TERT: variants seen among roughly 807,000 people sequenced by gnomAD.
TERT encodes the protein telomerase reverse transcriptase.
In TERT, 42 loss-of-function variants were observed where a neutral mutation model predicts 104.0. That is an observed-to-expected ratio of 0.40 (90% CI 0.32 to 0.52). The LOEUF (loss-of-function observed/expected upper bound fraction) is 0.52, where lower values mean the gene tolerates loss of function less well. Ranked by LOEUF, TERT falls within the 20% of genes least tolerant of loss-of-function variation. TERT has a pLI of 0.43. For missense variants in TERT, 1,101 were observed against 1,610.3 expected (o/e 0.68, Z 5.41); for synonymous variants, 781 against 725.6 (o/e 1.08, Z -1.23).
rs756152343 is a variant in TERT, at chr5:1,279,334, C to T, written c.2087G>A (p.Arg696His). The T allele has an allele frequency of 8.2e-6, 13 of 1,585,724 alleles. No individual in the cohort carries two copies. The highest frequency in any genetic ancestry group is 2.2e-4 in the Middle Eastern group (1 of 4,504). ...AGGCGGCGGGTCCTGGGCCCGCACA[C>T]GCAGCACGAAGGTGCGCCAGGCCCT... ...IHRAWRTFVL[R>H]VRAQDPPPEL... The change falls in exon 5 of 16, where the codon CGT (arginine) becomes CAT (histidine). Residue 696 changes from arginine to histidine, a missense_variant. Arg to His is a conservative substitution (Grantham distance 29). This residue lies in a region of TERT where 463 missense variants were observed against 797.5 expected (regional missense o/e 0.58). Coordinates refer to ENST00000310581, the MANE Select transcript of TERT (RefSeq NM_198253.3).
rs1236007818 is a variant in TERT, at chr5:1,257,189, C to T, written c.3032+1409G>A. Among the ~76,000 whole-genome samples the T allele has an allele frequency of 3.3e-5, 5 of 152,180 alleles. No individual in the cohort carries two copies. The highest frequency in any genetic ancestry group is 1.2e-4 in the African/African-American group (5 of 41,426). On this transcript the variant is annotated intron_variant, in intron 13 of 15. Transcript: ENST00000310581. The surrounding 1 kb of genome is among the most constrained non-coding windows in gnomAD (Gnocchi z 5.6). The stretch of plus-strand genomic sequence containing the variant: ...AAACTCAGCCGCCCTGCCCTGAGCC[C>T]AGGCCCTCTACGGGAGCTCCTCGGA...
At chr5:1,284,272 C>G (rs1214289830) in intron 2 of TERT, among the ~76,000 whole-genome samples, 1 of 93,320 alleles carries the variant, frequency 1.1e-5, no homozygotes, top group African/African-American at 4.6e-5. Flanking sequence ...CGACCACACC[C>G]CAGACCTGCA....
At chr5:1,278,535 G>A in intron 6 of TERT, 106 bp downstream of exon 6, 1 of 1,495,148 alleles carries the variant, frequency 6.7e-7, no homozygotes, top group Non-Finnish European at 9.3e-7. Context: ...GTAAATCATG[G>A]AAGTACCTCC....
rs1056537704 is a variant in TERT at position 1,269,310 on chromosome 5, C to T, written c.2469-677G>A. 6.6e-6 allele frequency among the ~76,000 whole-genome samples: 1 copy of T among 152,136 alleles called. No individual in the cohort carries two copies. Among genetic ancestry groups the T allele is most frequent in the African/African-American group, 2.4e-5 (1 of 41,424 alleles). On this transcript the variant is annotated intron_variant, in intron 8 of 15. Coordinates refer to ENST00000310581, the MANE Select transcript of TERT (RefSeq NM_198253.3). The surrounding 1 kb of genome is among the most constrained non-coding windows in gnomAD (Gnocchi z 9.0). ...TTCGGGAAGCGCTATAGGTGGTCAC[C>T]TTAAAAAGAGGCTTTCCGGCTGGGC...
rs528041127 is a variant in TERT, at chr5:1,261,363, G to A, written c.2844-763C>T. On this transcript the variant is annotated intron_variant, in intron 11 of 15. Coordinates refer to ENST00000310581, the MANE Select transcript of TERT (RefSeq NM_198253.3). The surrounding 1 kb of genome is among the most constrained non-coding windows in gnomAD (Gnocchi z 7.4). ...AATATCTCCTTAGCCCTGTATTTGG[G>A]CAGGTTCGTGACTTGCTGTGGCAAG... Among the ~76,000 whole-genome samples, 51 of 152,300 alleles carry A rather than the reference G, an allele frequency of 3.3e-4. No homozygotes were observed. Among genetic ancestry groups the A allele is most frequent in the African/African-American group, 1.1e-3 (46 of 41,562 alleles).
chr5:1,292,528 T>TAA lies in TERT; in HGVS notation c.1573+783_1573+784dup, dbSNP rs33951612. 6.0e-5 allele frequency among the ~76,000 whole-genome samples: 9 copies of TAA among 150,898 alleles called. No individual in the cohort carries two copies. The East Asian group carries it at 9.8e-4, about 16-fold the overall frequency. On this transcript the variant is annotated intron_variant, in intron 2 of 15. Coordinates refer to ENST00000310581, the MANE Select transcript of TERT (RefSeq NM_198253.3). The surrounding 1 kb of genome is among the most constrained non-coding windows in gnomAD (Gnocchi z 5.5). ...ACAATCAACGAACACTTTTTTTTTT[T>TAA]AAAGACAGAGTTTCACTCTTGTCGC...
At chr5:1,283,516 C>T (rs150278048) in intron 2 of TERT, among the ~76,000 whole-genome samples, 2,481 of 136,678 alleles carry the variant, frequency 0.018, 31 homozygotes, top group Middle Eastern at 0.041. Flanking sequence ...TCCAGCTAAC[C>T]GCAGGGCCTG....
At position 1,286,711 on chromosome 5, in the gene TERT, C is replaced by G. The variant is rs568882066; in HGVS notation, c.1574-4087G>C. Among the ~76,000 whole-genome samples, 11 of 152,184 alleles carry G rather than the reference C, an allele frequency of 7.2e-5. No homozygotes were observed. In the South Asian group the frequency reaches 1.7e-3, roughly 23 times the overall value. ...TGGCCAACATGGTGAAAGCCTATCT[C>G]TACTAAAAATACAAAAATTAGCCAG... On this transcript the variant is annotated intron_variant, in intron 2 of 15. Coordinates refer to ENST00000310581, the MANE Select transcript of TERT (RefSeq NM_198253.3). The surrounding 1 kb of genome is among the most constrained non-coding windows in gnomAD (Gnocchi z 5.3).
At position 1,261,739 on chromosome 5, in the gene TERT, G is replaced by C. The variant is rs1415218469; in HGVS notation, c.2844-1139C>G. Among the ~76,000 whole-genome samples, 1 of 152,154 alleles carries C rather than the reference G, an allele frequency of 6.6e-6. No homozygotes were observed. The highest frequency in any genetic ancestry group is 2.1e-4 in the South Asian group (1 of 4,826). On this transcript the variant is annotated intron_variant, in intron 11 of 15. Coordinates refer to ENST00000310581, the MANE Select transcript of TERT (RefSeq NM_198253.3). This position sits in a 1 kb window ranked among gnomAD's most constrained non-coding sequence, Gnocchi z 7.4. ...CTTCTTTCACAGCCATCCCCAACAC[G>C]ACCTTGGGCTCCGGCTCACCCTGAG...
At chr5:1,266,692 G>A (rs1463830616) in intron 9 of TERT, among the ~76,000 whole-genome samples, 157 bp from the exon 10 acceptor site, 1 of 152,166 alleles carries the variant, frequency 6.6e-6, no homozygotes, top group African/African-American at 2.4e-5. Context: ...TCCAACAGAC[G>A]AGCTCTCTAC....
intron 6 of TERT, among the ~76,000 whole-genome samples, chr5:1,277,878 C>T (rs537881517): frequency 3.9e-5 from 6 of 152,164 alleles, no homozygotes; most frequent in East Asian, 1.9e-4. Context: ...CGGCCTGGCA[C>T]GACTTTGAGG....
chr5:1,282,095 A>G (rs1382222528), intron 3 of TERT, among the ~76,000 whole-genome samples: 1 of 133,828 alleles, frequency 7.5e-6, no homozygotes, highest in East Asian at 1.9e-4. Flanking sequence ...CTCAAAAAAG[A>G]AAAAAAAAAG....
In TERT at chr5:1,269,808, T is replaced by C. The variant is rs35209375; in HGVS notation, c.2469-1175A>G. Reference sequence around the variant, plus strand: ...GGGAAACTCTCTCTGTTCTTAGTTTTTGGGGCAACAGGTTTTGAAGACGTT... The same window carrying C: ...GGGAAACTCTCTCTGTTCTTAGTTTCTGGGGCAACAGGTTTTGAAGACGTT... On this transcript the variant is annotated intron_variant, in intron 8 of 15. Coordinates refer to ENST00000310581, the MANE Select transcript of TERT (RefSeq NM_198253.3). This position sits in a 1 kb window ranked among gnomAD's most constrained non-coding sequence, Gnocchi z 9.0. 0.015 allele frequency among the ~76,000 whole-genome samples: 2,333 copies of C among 152,126 alleles called. 72 individuals carry two copies. Among genetic ancestry groups the C allele is most frequent in the African/African-American group, 0.054 (2,246 of 41,480 alleles).
rs1269798896 is a variant in TERT, at chr5:1,269,300, A to T, written c.2469-667T>A. Reference sequence around the variant, plus strand: ...ACCTGTTATTTTCGGGAAGCGCTATAGGTGGTCACCTTAAAAAGAGGCTTT... The same window carrying T: ...ACCTGTTATTTTCGGGAAGCGCTATTGGTGGTCACCTTAAAAAGAGGCTTT... On this transcript the variant is annotated intron_variant, in intron 8 of 15. Coordinates refer to ENST00000310581, the MANE Select transcript of TERT (RefSeq NM_198253.3). This position sits in a 1 kb window ranked among gnomAD's most constrained non-coding sequence, Gnocchi z 9.0. Among the ~76,000 whole-genome samples, 1 of 152,168 alleles carries T rather than the reference A, an allele frequency of 6.6e-6. No homozygotes were observed. The highest frequency in any genetic ancestry group is 1.5e-5 in the Non-Finnish European group (1 of 68,022).
At chr5:1,291,601 A>AC (rs1750974436) in intron 2 of TERT, among the ~76,000 whole-genome samples, 1 of 120,066 alleles carries the variant, frequency 8.3e-6, no homozygotes, top group African/African-American at 3.1e-5. Context: ...ACACCCGGGG[A>AC]CAGTGCCTCA....
rs1277609155 is a variant in TERT at position 1,287,839 on chromosome 5, A to G, written c.1574-5215T>C. On this transcript the variant is annotated intron_variant, in intron 2 of 15. Coordinates refer to ENST00000310581, the MANE Select transcript of TERT (RefSeq NM_198253.3). The surrounding 1 kb of genome is among the most constrained non-coding windows in gnomAD (Gnocchi z 4.3). ...CACTGGACCTTAATAAGCTGGATAT[A>G]GTGAACATGCATGCCCACTATTGAC... Among the ~76,000 whole-genome samples the G allele has an allele frequency of 6.6e-6, 1 of 152,012 alleles. No individual in the cohort carries two copies. The highest frequency in any genetic ancestry group is 1.5e-5 in the Non-Finnish European group (1 of 68,020).
At position 1,268,213 on chromosome 5, in the gene TERT, G is replaced by A. The variant is rs142971304; in HGVS notation, c.2582+307C>T. Among the ~76,000 whole-genome samples the A allele has an allele frequency of 1.5e-4, 23 of 152,338 alleles. No individual in the cohort carries two copies. The highest frequency in any genetic ancestry group is 3.4e-3 in the Middle Eastern group (1 of 294). ...AGGACCCTAACGGAACCTGGGTGAC[G>A]TGACAGAAGCTGGTGTGCTTCCTCG... On this transcript the variant is annotated intron_variant, in intron 9 of 15. Coordinates refer to ENST00000310581, the MANE Select transcript of TERT (RefSeq NM_198253.3). This position sits in a 1 kb window ranked among gnomAD's most constrained non-coding sequence, Gnocchi z 5.5.
Position 1,257,923 on chromosome 5 carries a change from G to A in TERT, c.3032+675C>T, listed in dbSNP as rs1029025987. On this transcript the variant is annotated intron_variant, in intron 13 of 15. Coordinates refer to ENST00000310581, the MANE Select transcript of TERT (RefSeq NM_198253.3). This position sits in a 1 kb window ranked among gnomAD's most constrained non-coding sequence, Gnocchi z 5.6. ...TGAGGTGGAGGCCCGGGCCTGTGGT[G>A]CCCGACTGCCCTTTGGTACAGCCCC... Among the ~76,000 whole-genome samples the A allele has an allele frequency of 6.6e-6, 1 of 152,230 alleles. No homozygotes were observed. Among genetic ancestry groups the A allele is most frequent in the Non-Finnish European group, 1.5e-5 (1 of 68,044 alleles).
rs1384259183 is a variant in TERT, at chr5:1,265,163, A to G, written c.2655-571T>C. ...GTCAAGGAGGTTCCCTCGCCGAGTC[A>G]TGAGCCTCGCTCACCCAGCTCAGGG... On this transcript the variant is annotated intron_variant, in intron 10 of 15. Coordinates refer to ENST00000310581, the MANE Select transcript of TERT (RefSeq NM_198253.3). This position sits in a 1 kb window ranked among gnomAD's most constrained non-coding sequence, Gnocchi z 6.9. Among the ~76,000 whole-genome samples, 1 of 152,162 alleles carries G rather than the reference A, an allele frequency of 6.6e-6. No homozygotes were observed. Among genetic ancestry groups the G allele is most frequent in the African/African-American group, 2.4e-5 (1 of 41,430 alleles).
Sources: allele counts gnomAD v4.1 joint callset (sites outside exome capture counted in the v4.1 genomes callset), GRCh38; gene constraint gnomAD v4.1.1; regional missense constraint gnomAD v4.1.1; non-coding constraint Gnocchi (gnomAD v3.1); transcripts MANE v1.5; gene names NCBI Gene and HGNC (gene_info 2026-07-23, HGNC 2026-07-21).